Variants in MS4A5 observed in about 807,000 individuals in gnomAD.
The protein encoded by MS4A5 is membrane-spanning 4-domains subfamily A member 5.
In MS4A5, 15 loss-of-function variants were observed where a neutral mutation model predicts 18.2. The ratio of observed to expected loss-of-function variants is 0.83; its 90% CI spans 0.55 to 1.27. The LOEUF is 1.27. Ranked by LOEUF, MS4A5 falls within the 50% of genes most tolerant of loss-of-function variation. The probability of loss-of-function intolerance (pLI) is 0.00; values close to 1 mark genes in which losing one functional copy is unlikely to be tolerated. For missense variants in MS4A5, 232 were observed against 225.7 expected, an observed-to-expected ratio of 1.03 and a Z score of -0.18; for synonymous variants, 89 against 78.7, an observed-to-expected ratio of 1.13 and a Z score of -0.69.
In MS4A5 at chr11:60,436,330, C is replaced by G. The variant is rs569450256; in HGVS notation, c.492+2413C>G. On this transcript the variant is annotated intron_variant, in intron 4 of 4. Transcript: ENST00000300190. ...TAAAACCACAAAGATGGGGAAAAAA[C>G]AGAACAGAAAAACTGGAAACTCTAA... Among the ~76,000 whole-genome samples, 4 of 140,674 alleles carry G rather than the reference C, an allele frequency of 2.8e-5. 1 individual carries two copies. In the South Asian group the frequency reaches 6.8e-4, roughly 24 times the overall value. The allele number at this position is 140,674 out of a possible 152,430, so 92.3% of individuals were successfully genotyped here. A position where few individuals can be genotyped will look rare whatever the true frequency, so the allele number is the denominator to read the frequency against.
chr11:60,437,372 C>G (rs1261038854), intron 4 of MS4A5, among the ~76,000 whole-genome samples: 2 of 148,458 alleles, frequency 1.3e-5, no homozygotes, highest in Admixed American at 1.4e-4. Flanking sequence ...AACTAACGAG[C>G]AAAATAACCA....
chr11:60,433,875 T>C lies in MS4A5; in HGVS notation c.450T>C (p.Ser150=). Residue 150 remains serine (S), a synonymous_variant, in exon 4 of 5, where the codon TCT becomes TCC. Coordinates refer to ENST00000300190, the MANE Select transcript of MS4A5 (RefSeq NM_023945.3). ...ATCAAAACTACATTTGTGGTTATTCTCACCAAAATAGTCAGTGTAAGGCTG... is the reference window on the plus strand; with the variant it reads ...ATCAAAACTACATTTGTGGTTATTCCCACCAAAATAGTCAGTGTAAGGCTG... ...ILDQNYICGY[S]HQNSQCKAVT... The C allele has an allele frequency of 6.2e-7, 1 of 1,614,178 alleles. No individual in the cohort carries two copies. The highest frequency in any genetic ancestry group is 8.5e-7 in the Non-Finnish European group (1 of 1,180,008).
chr11:60,443,656 C>T (rs1008104014), intron 4 of MS4A5, among the ~76,000 whole-genome samples: 4 of 151,642 alleles, frequency 2.6e-5, no homozygotes, highest in African/African-American at 9.7e-5. Flanking sequence ...TAATGAAATA[C>T]AACACAAACC....
At position 60,429,879 on chromosome 11, in the gene MS4A5, G is replaced by C. The variant is rs2086039204; in HGVS notation, c.153+52G>C. The C allele has an allele frequency of 3.9e-6, 6 of 1,544,138 alleles. No homozygotes were observed. The East Asian group carries it at 1.3e-4, about 35-fold the overall frequency. ...TTTTACTGAGGCAGGGGAAAGGCTAGGGAAATTATCTGTTGGCACATGTTT... is the reference window on the plus strand; with the variant it reads ...TTTTACTGAGGCAGGGGAAAGGCTACGGAAATTATCTGTTGGCACATGTTT... On this transcript the variant is annotated intron_variant, in intron 1 of 4. Coordinates refer to ENST00000300190, the MANE Select transcript of MS4A5 (RefSeq NM_023945.3).
chr11:60,440,365 G>T lies in MS4A5; in HGVS notation c.492+6448G>T, dbSNP rs573687788. On this transcript the variant is annotated intron_variant, in intron 4 of 4. Transcript: ENST00000300190. ...CAATACCATTCAGGACATAGGCATG[G>T]GCAAGGACTTCATGTCTAAAACACC... Among the ~76,000 whole-genome samples, 124 of 126,138 alleles carry T rather than the reference G, an allele frequency of 9.8e-4. 2 individuals carry two copies. In the East Asian group the frequency reaches 0.014, roughly 14 times the overall value. 82.8% of individuals were successfully genotyped at this position (126,138 alleles called of 152,430 possible).
At chr11:60,430,237 T>G (rs1026214674) in intron 1 of MS4A5, among the ~76,000 whole-genome samples, 3 of 145,744 alleles carry the variant, frequency 2.1e-5, no homozygotes, top group African/African-American at 7.6e-5. Flanking sequence ...GTGCATCACA[T>G]GAGTGGCTCA....
At chr11:60,432,230 G>C (rs920972445) in intron 2 of MS4A5, among the ~76,000 whole-genome samples, 181 bp from the exon 3 acceptor site, 2 of 152,186 alleles carry the variant, frequency 1.3e-5, no homozygotes, top group Non-Finnish European at 2.9e-5. Flanking sequence ...TTCCAGACCA[G>C]TGTTTTGTCC....
intron 4 of MS4A5, among the ~76,000 whole-genome samples, chr11:60,444,418 T>C (rs1234991469): frequency 6.6e-6 from 1 of 151,992 alleles, no homozygotes; most frequent in Non-Finnish European, 1.5e-5. Context: ...AGACAAAGCT[T>C]TCTTAGATAA....
chr11:60,447,695 T>C lies in MS4A5; in HGVS notation c.539T>C (p.Ile180Thr), dbSNP rs2086149030. 6.3e-7 allele frequency: 1 copy of C among 1,599,180 alleles called. No individual in the cohort carries two copies. Among genetic ancestry groups the C allele is most frequent in the Non-Finnish European group, 8.5e-7 (1 of 1,176,412 alleles). Residue 180 changes from isoleucine to threonine, a missense_variant, in exon 5 of 5, where the codon ATT (isoleucine) becomes ACT (threonine). Physicochemically the swap from Ile to Thr is moderately conservative, Grantham distance 89. Transcript: ENST00000300190. ...LMTFSIIELF[I>T]SLPFSILGCH... ...ACTTTCAGCATTATTGAATTATTCA[T>C]TTCTCTGCCTTTCTCAATTTTGGGG...
intron 4 of MS4A5, among the ~76,000 whole-genome samples, chr11:60,438,138 T>C (rs1486354219): frequency 6.6e-6 from 1 of 152,012 alleles, no homozygotes; most frequent in Admixed American, 6.6e-5. Context: ...ACTGCTCAAC[T>C]ACATGGAAAC....
chr11:60,432,145 G>A (rs980924465), intron 2 of MS4A5, among the ~76,000 whole-genome samples: 5 of 152,120 alleles, frequency 3.3e-5, no homozygotes, highest in Non-Finnish European at 5.9e-5. Flanking sequence ...AAAAGAACAT[G>A]GATGAGTAAA....
In MS4A5 at chr11:60,430,874, AG is replaced by A; in HGVS notation, c.234del (p.Arg78SerfsTer25). The A allele has an allele frequency of 6.2e-7, 1 of 1,613,328 alleles. No homozygotes were observed. Among genetic ancestry groups the A allele is most frequent in the Non-Finnish European group, 8.5e-7 (1 of 1,179,800 alleles). On this transcript the variant is annotated frameshift_variant, in exon 2 of 5. Coordinates refer to ENST00000300190, the MANE Select transcript of MS4A5 (RefSeq NM_023945.3). LOFTEE classifies it high-confidence loss of function. ...FLFTLLKPYP[R>X]FPFIFLSGYP... ...TTTCACCTTGTTAAAACCATATCCA[AG>A]GTTTCCCTTTATATTTCTTTCAGGA...
chr11:60,433,250 C>T, intron 3 of MS4A5, among the ~76,000 whole-genome samples: 1 of 152,096 alleles, frequency 6.6e-6, no homozygotes, highest in Non-Finnish European at 1.5e-5. Flanking sequence ...TACAGTGCTA[C>T]TGAATGTAAA....
intron 3 of MS4A5, among the ~76,000 whole-genome samples, chr11:60,433,373 T>C (rs1469756170): frequency 6.6e-6 from 1 of 152,248 alleles, no homozygotes; most frequent in Non-Finnish European, 1.5e-5. Flanking sequence ...CCTTAGTTTG[T>C]CATTTTAGGG....
chr11:60,431,586 G>A (rs899802393), intron 2 of MS4A5, among the ~76,000 whole-genome samples: 1 of 152,210 alleles, frequency 6.6e-6, no homozygotes, highest in Admixed American at 6.5e-5. Flanking sequence ...AATAAACACA[G>A]GGGCTGCCTC....
At chr11:60,430,199 A>C (rs982063814) in intron 1 of MS4A5, among the ~76,000 whole-genome samples, 4 of 152,204 alleles carry the variant, frequency 2.6e-5, no homozygotes, top group Admixed American at 1.3e-4. Context: ...CTTTCCCAGC[A>C]CTTGTCAAAC....
intron 4 of MS4A5, among the ~76,000 whole-genome samples, chr11:60,445,439 T>C (rs2086133721): frequency 6.6e-6 from 1 of 152,082 alleles, no homozygotes; most frequent in Non-Finnish European, 1.5e-5. Flanking sequence ...TTTTGTATTT[T>C]AGTAAAGATG....
At chr11:60,447,139 GCTATGCTATGCTATC>G (rs943263807) in intron 4 of MS4A5, among the ~76,000 whole-genome samples, 7 of 140,712 alleles carry the variant, frequency 5.0e-5, no homozygotes, top group Non-Finnish European at 9.3e-5. Flanking sequence ...GCTATGCTAT[GCTATGCTATGCTATC>G]CTATGCTATC....
In MS4A5 at chr11:60,429,758, T is replaced by C; in HGVS notation, c.84T>C (p.Leu28=). 1 of 1,614,114 alleles carries C rather than the reference T, an allele frequency of 6.2e-7. No individual in the cohort carries two copies. The highest frequency in any genetic ancestry group is 1.1e-5 in the South Asian group (1 of 91,080). ...ITASEYESTE[L]SATTFSTQSP... ...CTTCAGAATATGAGTCCACAGAACT[T>C]TCAGCCACGACCTTTTCAACTCAAA... is the stretch of plus-strand genomic sequence containing the variant. The change falls in exon 1 of 5, where the codon CTT becomes CTC. Residue 28 remains leucine, a synonymous_variant. Transcript: ENST00000300190.
Sources: gnomAD v4.1 joint callset for allele counts (sites outside exome capture counted in the v4.1 genomes callset) on GRCh38, gnomAD v4.1.1 for gene constraint, MANE v1.5 for transcripts, NCBI Gene and HGNC (gene_info 2026-07-23, HGNC 2026-07-21) for gene names.